Variants in HIGD1C observed in about 807,000 individuals in gnomAD.
The protein encoded by HIGD1C is HIG1 hypoxia inducible domain family member 1C, also known as HIG1 domain family member 1C.
HIGD1C carries 11 observed loss-of-function variants against 13.1 expected under a neutral mutation model. That is an observed-to-expected ratio of 0.84 (90% CI 0.53 to 1.39). The LOEUF is 1.39. Among genes scored for constraint, HIGD1C ranks in the 40% most tolerant of loss-of-function variants. The pLI, the probability that HIGD1C is intolerant of heterozygous loss-of-function variation, is 0.00. For synonymous variants in HIGD1C, 36 were observed against 37.7 expected (o/e 0.95, Z 0.17); for missense variants, 110 against 112.0 (o/e 0.98, Z 0.08).
the HIGD1C span, among the ~76,000 whole-genome samples, chr12:50,939,043 A>G: frequency 6.6e-6 from 1 of 152,180 alleles, no homozygotes; most frequent in Non-Finnish European, 1.5e-5. Context: ...ATAGTGTCTA[A>G]TACCTAACAA....
chr12:50,967,933 A>G (rs928364452), intron 2 of HIGD1C, among the ~76,000 whole-genome samples: 1 of 152,168 alleles, frequency 6.6e-6, no homozygotes, highest in Non-Finnish European at 1.5e-5. Flanking sequence ...ACAAAAAATT[A>G]AAAAGTTAGC....
intron 2 of HIGD1C, among the ~76,000 whole-genome samples, chr12:50,962,715 T>G (rs1366209404): frequency 1.3e-5 from 2 of 151,690 alleles, no homozygotes; most frequent in Non-Finnish European, 2.9e-5. Context: ...AAAAAAAAAT[T>G]TTTTTGCTAT....
chr12:50,961,067 C>T, exon 2 of HIGD1C: 2 of 1,613,812 alleles, frequency 1.2e-6, no homozygotes, highest in South Asian at 2.2e-5. Context: ...ATGAGAGTTG[C>T]TGCCCAAGGA....
chr12:50,934,181 C>T, the HIGD1C span, among the ~76,000 whole-genome samples: 1 of 152,334 alleles, frequency 6.6e-6, no homozygotes, highest in East Asian at 1.9e-4. Flanking sequence ...GGATCAGACC[C>T]TGTCTGTCTT....
chr12:50,963,136 G>A (rs936471420), intron 2 of HIGD1C, among the ~76,000 whole-genome samples: 3 of 151,870 alleles, frequency 2.0e-5, no homozygotes, highest in East Asian at 3.9e-4. Flanking sequence ...TTGGGAGGCC[G>A]AGGCAGGGGT....
At chr12:50,965,256 C>A (rs1458090869) in intron 2 of HIGD1C, among the ~76,000 whole-genome samples, 1 of 151,296 alleles carries the variant, frequency 6.6e-6, no homozygotes, top group African/African-American at 2.4e-5. Flanking sequence ...TGGGACTACA[C>A]GTGTGCACCA....
chr12:50,938,975 T>C, the HIGD1C span, among the ~76,000 whole-genome samples: 1 of 152,106 alleles, frequency 6.6e-6, no homozygotes, highest in Admixed American at 6.6e-5. Context: ...TAGCAAGCAA[T>C]TTTCCTGGGG....
At chr12:50,953,210 T>C (rs1938962814), upstream of HIGD1C, among the ~76,000 whole-genome samples, 1 of 152,188 alleles carries the variant, frequency 6.6e-6, no homozygotes, top group Admixed American at 6.5e-5. Context: ...TACAGCCTCT[T>C]GCTGAAGGAA....
chr12:50,940,672 G>A, the HIGD1C span, among the ~76,000 whole-genome samples: 7 of 148,264 alleles, frequency 4.7e-5, no homozygotes, highest in Non-Finnish European at 1.0e-4. Flanking sequence ...GCAGTGAGCC[G>A]TGATTGCACC....
At chr12:50,937,640 C>T in the HIGD1C span, among the ~76,000 whole-genome samples, 9 of 152,158 alleles carry the variant, frequency 5.9e-5, no homozygotes, top group South Asian at 1.5e-3. Flanking sequence ...GTTCTTGTTC[C>T]GTGTCCTGGA....
At chr12:50,967,073 C>T (rs1038089800) in intron 2 of HIGD1C, among the ~76,000 whole-genome samples, 2 of 151,064 alleles carry the variant, frequency 1.3e-5, no homozygotes, top group African/African-American at 4.9e-5. Flanking sequence ...AAGATCACAC[C>T]ACTGCACTTC....
At chr12:50,937,899 T>C in the HIGD1C span, among the ~76,000 whole-genome samples, 2,754 of 152,194 alleles carry the variant, frequency 0.018, 75 homozygotes, top group African/African-American at 0.063. Flanking sequence ...AGGAAGTGCA[T>C]GCTGATGGGT....
At chr12:50,968,772 C>T (rs1939645726) in intron 2 of HIGD1C, among the ~76,000 whole-genome samples, 1 of 151,628 alleles carries the variant, frequency 6.6e-6, no homozygotes. Flanking sequence ...AAACTCCTGA[C>T]CTCAAGTGAT....
chr12:50,964,242 T>C (rs1028951006), intron 2 of HIGD1C, among the ~76,000 whole-genome samples: 2 of 152,240 alleles, frequency 1.3e-5, no homozygotes, highest in Admixed American at 6.5e-5. Flanking sequence ...GCTGGTCAGA[T>C]GGTTATTGCT....
At chr12:50,963,341 G>A (rs527710217) in intron 2 of HIGD1C, among the ~76,000 whole-genome samples, 1 of 130,442 alleles carries the variant, frequency 7.7e-6, no homozygotes, top group East Asian at 2.3e-4. Flanking sequence ...CTGCACTCCA[G>A]CCTGGGTGAA....
chr12:50,960,036 T>C (rs971050177), intron 1 of HIGD1C, among the ~76,000 whole-genome samples: 3 of 152,226 alleles, frequency 2.0e-5, no homozygotes, highest in African/African-American at 7.2e-5. Flanking sequence ...TCCTATTTAG[T>C]TGATGAGTTC....
At chr12:50,940,656 G>A in the HIGD1C span, among the ~76,000 whole-genome samples, 20 of 150,852 alleles carry the variant, frequency 1.3e-4, no homozygotes, top group African/African-American at 4.6e-4. Flanking sequence ...TTGGTAAGTC[G>A]AGGCTGCAGT....
intron 1 of HIGD1C, among the ~76,000 whole-genome samples, chr12:50,955,657 T>C (rs1565955972): frequency 6.6e-6 from 1 of 152,198 alleles, no homozygotes; most frequent in Non-Finnish European, 1.5e-5. Flanking sequence ...CAAGAAAGAA[T>C]CAAATTTTAC....
chr12:50,931,317 T>C, the HIGD1C span: 1 of 152,094 alleles, frequency 6.6e-6, no homozygotes, highest in South Asian at 2.1e-4. Flanking sequence ...GAAAAGGTCT[T>C]AATAATTTAT....
Sources: gnomAD v4.1 joint callset for allele counts (sites outside exome capture counted in the v4.1 genomes callset) on GRCh38, gnomAD v4.1.1 for gene constraint, MANE v1.5 for transcripts, NCBI Gene and HGNC (gene_info 2026-07-23, HGNC 2026-07-21) for gene names.